Variants in SLA observed in about 807,000 individuals in gnomAD.
The protein encoded by SLA is Src like adaptor.
Under a neutral mutation model 30.3 loss-of-function variants are expected in SLA, and 16 were observed. The observed-to-expected ratio is 0.53, with a 90% CI of 0.36 to 0.80. The LOEUF is 0.80. Among genes scored for constraint, SLA ranks in the 30% least tolerant of loss-of-function variants. SLA has a pLI of 0.01. For missense variants in SLA, 310 were observed against 345.2 expected (o/e 0.90, Z 0.81); for synonymous variants, 143 against 137.8 (o/e 1.04, Z -0.26).
rs181268619 is a variant in SLA, at chr8:133,095,122, G to A, written c.-319+7431C>T. The A allele has an allele frequency of 3.0e-5, 49 of 1,614,216 alleles. 1 individual carries two copies. In the Middle Eastern group the frequency reaches 8.3e-4, roughly 27 times the overall value. On this transcript the variant is annotated intron_variant, in intron 1 of 8. Transcript: ENST00000338087. Reference sequence around the variant, plus strand: ...GCAGGCAATTGCTTTGGCAAAGGAGGTCAGTTGCCCCATGTCATCCAGCCA... The same window carrying A: ...GCAGGCAATTGCTTTGGCAAAGGAGATCAGTTGCCCCATGTCATCCAGCCA...
intron 2 of SLA, among the ~76,000 whole-genome samples, chr8:133,065,841 A>T (rs1842958490): frequency 6.6e-6 from 1 of 152,174 alleles, no homozygotes; most frequent in South Asian, 2.1e-4. Context: ...TAGGAAGCAT[A>T]AACTTTGGGG....
Position 133,037,719 on chromosome 8 carries a change from G to A in SLA, c.*805C>T, listed in dbSNP as rs1042668099. The A allele has an allele frequency of 6.6e-6, 1 of 151,404 alleles. No homozygotes were observed. The highest frequency in any genetic ancestry group is 1.5e-5 in the Non-Finnish European group (1 of 67,960). 9.4% of individuals were successfully genotyped at this position (151,404 alleles called of 1,614,324 possible). On this transcript the variant is annotated 3_prime_UTR_variant, in exon 9 of 9. Transcript: ENST00000338087. ...TTCGGGCAATAAATGAATACTTGATGCATTCATACAGGCAAGAATCCCAGC... is the reference window on the plus strand; with the variant it reads ...TTCGGGCAATAAATGAATACTTGATACATTCATACAGGCAAGAATCCCAGC...
rs1470464670 is a variant in SLA, at chr8:133,096,202, G to A, written c.-319+6351C>T. The A allele has an allele frequency of 1.9e-6, 3 of 1,614,238 alleles. No homozygotes were observed. Among genetic ancestry groups the A allele is most frequent in the Non-Finnish European group, 2.5e-6 (3 of 1,180,040 alleles). On this transcript the variant is annotated intron_variant, in intron 1 of 8. Transcript: ENST00000338087. The stretch of plus-strand genomic sequence containing the variant: ...ACAACTGATTATTGTTGCATCCAAT[G>A]CAGCTCCTGGCCGTGAGTGGCCCTT...
At chr8:133,088,790 CG>C (rs1847020697) in intron 1 of SLA, among the ~76,000 whole-genome samples, 1 of 152,036 alleles carries the variant, frequency 6.6e-6, no homozygotes, top group African/African-American at 2.4e-5. Flanking sequence ...GATTTCAAGA[CG>C]AATTGTATTA....
chr8:133,060,373 C>T, intron 2 of SLA, 173 bp from the exon 3 acceptor site: 2 of 1,530,148 alleles, frequency 1.3e-6, no homozygotes, highest in South Asian at 1.3e-5. Flanking sequence ...TTGCGCAGCT[C>T]AAGTTCTTTT....
chr8:133,071,492 C>T (rs559819700), intron 2 of SLA, among the ~76,000 whole-genome samples: 5 of 152,268 alleles, frequency 3.3e-5, no homozygotes, highest in African/African-American at 1.2e-4. Context: ...TTATGCTTGT[C>T]ATAGTTATTC....
chr8:133,038,492 T>C lies in SLA; in HGVS notation c.*32A>G. 6.6e-7 allele frequency: 1 copy of C among 1,520,968 alleles called. No homozygotes were observed. The highest frequency in any genetic ancestry group is 9.1e-7 in the Non-Finnish European group (1 of 1,095,046). 94.2% of individuals were successfully genotyped at this position (1,520,968 alleles called of 1,614,324 possible). ...AGGCAATAGTTGGAACTTCTGTTCCTTTTGGGCATGAACCATTGTGTCTGT... is the reference window on the plus strand; with the variant it reads ...AGGCAATAGTTGGAACTTCTGTTCCCTTTGGGCATGAACCATTGTGTCTGT... On this transcript the variant is annotated 3_prime_UTR_variant, in exon 9 of 9. Coordinates refer to ENST00000338087, the MANE Select transcript of SLA (RefSeq NM_001045556.3).
At chr8:133,073,944 G>A (rs1036816966) in intron 2 of SLA, among the ~76,000 whole-genome samples, 1 of 152,024 alleles carries the variant, frequency 6.6e-6, no homozygotes, top group Admixed American at 6.6e-5. Context: ...AACTTTTTAT[G>A]CATTGCTCCT....
intron 1 of SLA, among the ~76,000 whole-genome samples, chr8:133,095,671 A>G (rs2131639400): frequency 6.6e-6 from 1 of 152,334 alleles, no homozygotes; most frequent in South Asian, 2.1e-4. Flanking sequence ...CCTTTATAGC[A>G]TGCAAAGTTC....
intron 1 of SLA, among the ~76,000 whole-genome samples, chr8:133,091,449 C>T (rs1189730716): frequency 2.0e-5 from 3 of 152,148 alleles, no homozygotes; most frequent in Admixed American, 6.5e-5. Flanking sequence ...CCTGCTTGTC[C>T]GGGTAGCTGC....
chr8:133,057,383 T>C (rs894799972), intron 3 of SLA, among the ~76,000 whole-genome samples: 3 of 152,222 alleles, frequency 2.0e-5, no homozygotes, highest in Non-Finnish European at 4.4e-5. Context: ...ATGAACACTT[T>C]GGGATGATTT....
At chr8:133,099,455 C>T (rs1848922511) in intron 1 of SLA, among the ~76,000 whole-genome samples, 1 of 152,222 alleles carries the variant, frequency 6.6e-6, no homozygotes, top group African/African-American at 2.4e-5. Context: ...CTCAGTGCCA[C>T]TGCATGCAAT....
At position 133,044,854 on chromosome 8, in the gene SLA, A is replaced by G. The variant is rs190334347; in HGVS notation, c.484+130T>C. The G allele has an allele frequency of 8.8e-3, 7,597 of 862,988 alleles. 49 individuals carry two copies. Among genetic ancestry groups the G allele is most frequent in the Non-Finnish European group, 0.012 (6,553 of 533,304 alleles). The allele number at this position is 862,988 out of a possible 1,614,324, so 53.5% of individuals were successfully genotyped here. On this transcript the variant is annotated intron_variant, in intron 7 of 8. Coordinates refer to ENST00000338087, the MANE Select transcript of SLA (RefSeq NM_001045556.3). ...CTGAAATTTACAGTCTGAATTAACGAGAGAGCATATCATGAAGGCAGCATA... is the reference window on the plus strand; with the variant it reads ...CTGAAATTTACAGTCTGAATTAACGGGAGAGCATATCATGAAGGCAGCATA...
chr8:133,091,341 G>A (rs1280487675), intron 1 of SLA, among the ~76,000 whole-genome samples: 1 of 152,186 alleles, frequency 6.6e-6, no homozygotes, highest in Non-Finnish European at 1.5e-5. Flanking sequence ...CACATTCCAG[G>A]GTGGGACTGA....
intron 6 of SLA, among the ~76,000 whole-genome samples, chr8:133,046,930 T>C (rs2739153): frequency 0.014 from 2,061 of 152,338 alleles, 40 homozygotes; most frequent in South Asian, 0.063. Context: ...TCTCAGATAG[T>C]GTGTTTTCTC....
At chr8:133,039,940 A>G in intron 8 of SLA, 58 bp downstream of exon 8, 1 of 1,514,558 alleles carries the variant, frequency 6.6e-7, no homozygotes, top group Non-Finnish European at 8.8e-7. Flanking sequence ...ACATGTTCAC[A>G]GAGCACTTGC....
At chr8:133,075,323 G>A (rs1463469299) in intron 1 of SLA, among the ~76,000 whole-genome samples, 193 bp from the exon 2 acceptor site, 1 of 152,160 alleles carries the variant, frequency 6.6e-6, no homozygotes, top group East Asian at 1.9e-4. Flanking sequence ...AAGAGCTGCA[G>A]CTTCTCTGAT....
At chr8:133,100,857 A>T (rs1014548721) in intron 1 of SLA, among the ~76,000 whole-genome samples, 1 of 152,222 alleles carries the variant, frequency 6.6e-6, no homozygotes, top group East Asian at 1.9e-4. Context: ...TAAAATTTCA[A>T]TAGCCTTAGG....
At chr8:133,068,112 G>A (rs894479764) in intron 2 of SLA, among the ~76,000 whole-genome samples, 1 of 152,192 alleles carries the variant, frequency 6.6e-6, no homozygotes, top group Non-Finnish European at 1.5e-5. Context: ...CACTTGAAAA[G>A]TAGCAACTCA....
Sources: gnomAD v4.1 joint callset for allele counts (sites outside exome capture counted in the v4.1 genomes callset) on GRCh38, gnomAD v4.1.1 for gene constraint, MANE v1.5 for transcripts, NCBI Gene and HGNC (gene_info 2026-07-23, HGNC 2026-07-21) for gene names.